SEC24B: variants seen among roughly 807,000 people sequenced by gnomAD.
SEC24B encodes protein transport protein Sec24B.
SEC24B carries 45 observed loss-of-function variants against 142.8 expected under a neutral mutation model. That is an observed-to-expected ratio of 0.32 (90% confidence interval 0.25 to 0.40). The LOEUF (loss-of-function observed/expected upper bound fraction) is 0.40. SEC24B is among the 10% of genes least tolerant of loss of function. The pLI is 1.00. For synonymous variants in SEC24B, 574 were observed against 568.2 expected (o/e 1.01, Z -0.15); for missense variants, 1,409 against 1,526.8 (o/e 0.92, Z 1.29).
chr4:109,521,619 G>A lies in SEC24B; in HGVS notation c.2501G>A (p.Ser834Asn), dbSNP rs1723621672. ...AGAGAAGATCCTAATCAGAGATCAA[G>A]TACAAAGGTATTTTATGTTTAGTTT... ...QSREDPNQRS[S>N]TKVVQHLGPA... The change falls in exon 14 of 24, where the codon AGT becomes AAT. Residue 834 changes from serine (S) to asparagine (N), a missense_variant. Transcript: ENST00000265175. 4.4e-6 allele frequency: 7 copies of A among 1,607,250 alleles called. No homozygotes were observed. The highest frequency in any genetic ancestry group is 2.2e-5 in the East Asian group (1 of 44,774).
intron 1 of SEC24B, among the ~76,000 whole-genome samples, chr4:109,438,111 A>T (rs1005333043): frequency 6.6e-6 from 1 of 152,212 alleles, no homozygotes; most frequent in Non-Finnish European, 1.5e-5. Flanking sequence ...CAGAAAGGTT[A>T]AGTAGGTACA....
At chr4:109,471,789 G>A (rs1732549803) in intron 2 of SEC24B, among the ~76,000 whole-genome samples, 2 of 152,128 alleles carry the variant, frequency 1.3e-5, no homozygotes, top group South Asian at 4.1e-4. Context: ...GATCCATGCA[G>A]CATTTCAGAG....
chr4:109,512,024 T>G lies in SEC24B; in HGVS notation c.1844T>G (p.Phe615Cys). 1 of 1,613,508 alleles carries G rather than the reference T, an allele frequency of 6.2e-7. No individual in the cohort carries two copies. Among genetic ancestry groups the G allele is most frequent in the Non-Finnish European group, 8.5e-7 (1 of 1,179,436 alleles). Reference sequence around the variant, plus strand: ...TCCTGTCGAACGTATATTAACCCCTTTGTATCCTTCATTGATCAACGTAGA... The same window carrying G: ...TCCTGTCGAACGTATATTAACCCCTGTGTATCCTTCATTGATCAACGTAGA... ...CRSCRTYINPFVSFIDQRRWK... is the reference protein window; with the variant it reads ...CRSCRTYINPCVSFIDQRRWK... The change falls in exon 9 of 24, where the codon TTT (phenylalanine) becomes TGT (cysteine). Residue 615 changes from phenylalanine (F) to cysteine (C), a missense_variant. Phe to Cys is a radical substitution (Grantham distance 205, BLOSUM62 -2). Coordinates refer to ENST00000265175, the MANE Select transcript of SEC24B (RefSeq NM_006323.5).
At position 109,538,581 on chromosome 4, in the gene SEC24B, T is replaced by C; in HGVS notation, c.3677T>C (p.Ile1226Thr). ...WLRDSRPLSP[I>T]LHIVKDESPA... ...AGAGACAGCAGACCATTAAGTCCAA[T>C]CCTTCACATAGTAAAGTAAGTACTT... Residue 1226 changes from isoleucine to threonine, a missense_variant, in exon 23 of 24, where the codon ATC (isoleucine) becomes ACC (threonine). Ile to Thr is a moderately conservative substitution (Grantham distance 89, BLOSUM62 -1). Transcript: ENST00000265175. The C allele has an allele frequency of 6.3e-7, 1 of 1,597,216 alleles. No homozygotes were observed. Among genetic ancestry groups the C allele is most frequent in the African/African-American group, 1.3e-5 (1 of 74,732 alleles).
rs935156279 is a variant in SEC24B, at chr4:109,506,411, T to C, written c.1572T>C (p.Pro524=). The change falls in exon 7 of 24, where the codon CCT becomes CCC. Residue 524 remains proline (P), a synonymous_variant. Transcript: ENST00000265175. ...CTCCACAACCAGAAAGCCTGAGACCTGTAAACCTTACTCAGGAGAGGAATA... is the reference window on the plus strand; with the variant it reads ...CTCCACAACCAGAAAGCCTGAGACCCGTAAACCTTACTCAGGAGAGGAATA... ...QSSPQPESLR[P]VNLTQERNIL... 3 of 1,610,522 alleles carry C rather than the reference T, an allele frequency of 1.9e-6. No individual in the cohort carries two copies. The highest frequency in any genetic ancestry group is 1.7e-6 in the Non-Finnish European group (2 of 1,178,030).
At chr4:109,521,369 A>C in intron 13 of SEC24B, 51 bp from the exon 14 acceptor site, 3 of 1,469,854 alleles carry the variant, frequency 2.0e-6, no homozygotes, top group Non-Finnish European at 2.9e-6. Flanking sequence ...TTAAAATAAG[A>C]TTATTCCTTT....
chr4:109,486,237 T>C (rs1420452036), intron 4 of SEC24B, among the ~76,000 whole-genome samples: 1 of 152,206 alleles, frequency 6.6e-6, no homozygotes, highest in Non-Finnish European at 1.5e-5. Flanking sequence ...CAGGTGTCCA[T>C]TTTCCCTCAA....
At chr4:109,436,961 T>TC (rs1311415982) in intron 1 of SEC24B, among the ~76,000 whole-genome samples, 1 of 152,220 alleles carries the variant, frequency 6.6e-6, no homozygotes, top group Non-Finnish European at 1.5e-5. Context: ...TTTCCTGACT[T>TC]CCACAAGCCC....
Position 109,462,996 on chromosome 4 carries a change from A to G in SEC24B, c.229A>G (p.Lys77Glu). 1.2e-6 allele frequency: 2 copies of G among 1,614,064 alleles called. No homozygotes were observed. The highest frequency in any genetic ancestry group is 1.7e-6 in the Non-Finnish European group (2 of 1,179,960). ...AGGACATTACTCTCAAGGACCTGGG[A>G]AAATGACCTCATTGCCATTGGATAC... is the stretch of plus-strand genomic sequence containing the variant. ...PSGHYSQGPG[K>E]MTSLPLDTQC... The change falls in exon 2 of 24, where the codon AAA (lysine) becomes GAA (glutamate). Residue 77 changes from lysine (K) to glutamate (E), a missense_variant. By Grantham distance (56) the Lys-to-Glu change is moderately conservative. This residue lies in a region of SEC24B where 709 missense variants were observed against 673.5 expected (regional missense o/e 1.05). Coordinates refer to ENST00000265175, the MANE Select transcript of SEC24B (RefSeq NM_006323.5).
At chr4:109,435,670 G>A (rs1396724519) in intron 1 of SEC24B, among the ~76,000 whole-genome samples, 1 of 152,228 alleles carries the variant, frequency 6.6e-6, no homozygotes, top group Non-Finnish European at 1.5e-5. Flanking sequence ...ATGTTTTGAT[G>A]CCAAATATAG....
At chr4:109,467,142 C>T (rs915363498) in intron 2 of SEC24B, among the ~76,000 whole-genome samples, 7 of 151,332 alleles carry the variant, frequency 4.6e-5, no homozygotes, top group East Asian at 3.9e-4. Context: ...CTGGCTAACA[C>T]GGTGAAACCC....
intron 6 of SEC24B, among the ~76,000 whole-genome samples, chr4:109,504,286 A>AT: frequency 6.6e-6 from 1 of 152,282 alleles, no homozygotes; most frequent in South Asian, 2.1e-4. Flanking sequence ...CTATATTCAG[A>AT]TTTTCCAGAC....
intron 2 of SEC24B, among the ~76,000 whole-genome samples, chr4:109,470,592 C>T (rs974334710): frequency 6.6e-6 from 1 of 152,160 alleles, no homozygotes; most frequent in African/African-American, 2.4e-5. Context: ...GCTGTGGCAC[C>T]TATGTATAGA....
intron 11 of SEC24B, among the ~76,000 whole-genome samples, chr4:109,517,078 T>C (rs1378894596): frequency 2.6e-5 from 4 of 152,196 alleles, no homozygotes; most frequent in Non-Finnish European, 5.9e-5. Context: ...TCAGAAAATT[T>C]AATACAATTG....
At chr4:109,475,492 T>C (rs1733015516) in intron 3 of SEC24B, among the ~76,000 whole-genome samples, 1 of 152,220 alleles carries the variant, frequency 6.6e-6, no homozygotes. Context: ...TAAGCATTTT[T>C]TTTCTGTTTT....
At position 109,481,596 on chromosome 4, in the gene SEC24B, C is replaced by A. The variant is rs904093148; in HGVS notation, c.1061-81C>A. ...TCTTTGGAATGTCAGAGTTCTTTCT[C>A]ACTTTTAATGCAATGTCAAATTTTT... On this transcript the variant is annotated intron_variant, in intron 3 of 23. Coordinates refer to ENST00000265175, the MANE Select transcript of SEC24B (RefSeq NM_006323.5). 2.4e-5 allele frequency: 22 copies of A among 900,378 alleles called. No individual in the cohort carries two copies. The East Asian group carries it at 5.5e-4, about 22-fold the overall frequency. The allele number at this position is 900,378 out of a possible 1,614,324, so 55.8% of individuals were successfully genotyped here.
At chr4:109,482,199 T>C (rs936929469) in intron 4 of SEC24B, among the ~76,000 whole-genome samples, 2 of 152,248 alleles carry the variant, frequency 1.3e-5, no homozygotes, top group African/African-American at 4.8e-5. Context: ...ATAATAGGGA[T>C]AGAGAAATAG....
At chr4:109,460,660 A>G (rs746435876) in intron 1 of SEC24B, among the ~76,000 whole-genome samples, 6 of 152,022 alleles carry the variant, frequency 3.9e-5, no homozygotes, top group Non-Finnish European at 7.4e-5. Flanking sequence ...TTTGTGGCTC[A>G]CTTATTGATA....
intron 14 of SEC24B, among the ~76,000 whole-genome samples, chr4:109,524,438 A>G (rs905992026): frequency 6.6e-6 from 1 of 152,188 alleles, no homozygotes; most frequent in Non-Finnish European, 1.5e-5. Context: ...ACAATATTTA[A>G]TAATGGTTAA....
Sources: gnomAD v4.1 joint callset for allele counts (sites outside exome capture counted in the v4.1 genomes callset) on GRCh38, gnomAD v4.1.1 for gene constraint, gnomAD v4.1.1 regional missense constraint, MANE v1.5 for transcripts, NCBI Gene and HGNC (gene_info 2026-07-23, HGNC 2026-07-21) for gene names.